CNGA1: variants seen among roughly 807,000 people sequenced by gnomAD.
The protein encoded by CNGA1 is cyclic nucleotide-gated channel alpha-1.
Under a neutral mutation model 69.7 loss-of-function variants are expected in CNGA1, and 53 were observed. The ratio of observed to expected loss-of-function variants is 0.76; its 90% CI spans 0.61 to 0.96. The LOEUF is 0.96. Ranked by LOEUF, CNGA1 falls within the 40% of genes least tolerant of loss-of-function variation. The probability of loss-of-function intolerance (pLI) is 0.00; values close to 1 mark genes in which losing one functional copy is unlikely to be tolerated. For synonymous variants in CNGA1, 249 were observed against 283.5 expected, an observed-to-expected ratio of 0.88 and a Z score of 1.22; for missense variants, 739 against 811.2, an observed-to-expected ratio of 0.91 and a Z score of 1.08.
intron 2 of CNGA1, among the ~76,000 whole-genome samples, chr4:47,989,369 T>C (rs1188754785): frequency 6.6e-6 from 1 of 152,168 alleles, no homozygotes; most frequent in Non-Finnish European, 1.5e-5. Context: ...TTATATGAAA[T>C]CTGTCCAGAA....
intron 2 of CNGA1, among the ~76,000 whole-genome samples, chr4:47,998,205 A>G (rs186170990): frequency 6.6e-6 from 1 of 152,292 alleles, no homozygotes; most frequent in Non-Finnish European, 1.5e-5. Context: ...AGTCAGAAAT[A>G]TGACCTTGGA....
chr4:47,954,521 C>G (rs567871044), intron 3 of CNGA1, among the ~76,000 whole-genome samples: 1 of 152,316 alleles, frequency 6.6e-6, no homozygotes, highest in East Asian at 1.9e-4. Context: ...CCCTGCCGCA[C>G]GTCCTGCAAG....
Position 48,016,475 on chromosome 4 carries a change from G to A in CNGA1, c.-223+8C>T. 1 of 312,070 alleles carries A rather than the reference G, an allele frequency of 3.2e-6. No homozygotes were observed. The highest frequency in any genetic ancestry group is 5.9e-6 in the Non-Finnish European group (1 of 169,712). 19.3% of individuals were successfully genotyped at this position (312,070 alleles called of 1,614,324 possible). A position where few individuals can be genotyped will look rare whatever the true frequency, so the allele number is the denominator to read the frequency against. ...GCAGCCTCCACTCCACTCAATTCCCGGAGTTACCTTGGCGGGCTCCACGCT... is the reference window on the plus strand; with the variant it reads ...GCAGCCTCCACTCCACTCAATTCCCAGAGTTACCTTGGCGGGCTCCACGCT... On this transcript the variant is annotated splice_region_variant and intron_variant, in intron 1 of 10. Transcript: ENST00000514170.
chr4:47,983,877 A>G (rs1424246519), intron 2 of CNGA1, among the ~76,000 whole-genome samples: 2 of 152,200 alleles, frequency 1.3e-5, no homozygotes, highest in Non-Finnish European at 2.9e-5. Flanking sequence ...CAGAGTCACA[A>G]TGGCTGCTAC....
intron 2 of CNGA1, among the ~76,000 whole-genome samples, chr4:47,984,359 T>G (rs1262610519): frequency 6.6e-6 from 1 of 152,164 alleles, no homozygotes; most frequent in East Asian, 1.9e-4. Context: ...GGCTCACACC[T>G]GTAATCACGG....
chr4:48,014,865 A>T (rs2109360250), intron 1 of CNGA1, among the ~76,000 whole-genome samples: 1 of 152,302 alleles, frequency 6.6e-6, no homozygotes, highest in Middle Eastern at 3.4e-3. Flanking sequence ...TCCAAAGAAA[A>T]CGTTTAAATA....
chr4:47,950,757 G>T (rs565751260), intron 5 of CNGA1, among the ~76,000 whole-genome samples: 2 of 152,276 alleles, frequency 1.3e-5, no homozygotes, highest in East Asian at 3.9e-4. Flanking sequence ...GCAATCTCAA[G>T]TCCGGTATCT....
intron 3 of CNGA1, among the ~76,000 whole-genome samples, chr4:47,958,455 T>C (rs1740224393): frequency 6.6e-6 from 1 of 151,928 alleles, no homozygotes; most frequent in Non-Finnish European, 1.5e-5. Flanking sequence ...TGAAACTCCA[T>C]CTCTACAAAA....
intron 3 of CNGA1, among the ~76,000 whole-genome samples, chr4:47,962,285 A>C (rs1740488338): frequency 6.6e-6 from 1 of 151,604 alleles, no homozygotes; most frequent in East Asian, 1.9e-4. Flanking sequence ...CGGAGGTTGC[A>C]GTGAGCCAAG....
intron 2 of CNGA1, among the ~76,000 whole-genome samples, chr4:47,983,556 C>G (rs1410011789): frequency 1.3e-5 from 2 of 152,068 alleles, no homozygotes; most frequent in Non-Finnish European, 2.9e-5. Context: ...CACCACTGCA[C>G]TCCAGCCTGG....
chr4:47,972,752 C>G (rs1007666021), intron 3 of CNGA1, among the ~76,000 whole-genome samples: 1 of 152,136 alleles, frequency 6.6e-6, no homozygotes, highest in African/African-American at 2.4e-5. Context: ...GAAATGCCTA[C>G]TAGGTGTCAA....
intron 9 of CNGA1, among the ~76,000 whole-genome samples, chr4:47,941,643 G>A (rs1386061453): frequency 6.6e-6 from 1 of 152,142 alleles, no homozygotes; most frequent in East Asian, 1.9e-4. Context: ...GGTGGGAAAA[G>A]GGAGAGAAGC....
In CNGA1 at chr4:48,000,607, A is replaced by G. The variant is rs566264053; in HGVS notation, c.-123+10187T>C. On this transcript the variant is annotated intron_variant, in intron 2 of 10. Coordinates refer to ENST00000514170, the MANE Select transcript of CNGA1 (RefSeq NM_001379270.1). ...GGTCTTGAACTCCCGACCTCAGGTG[A>G]TCTGCCCACCTCAGCCTCCCAAAGT... Among the ~76,000 whole-genome samples the G allele has an allele frequency of 3.3e-5, 5 of 152,228 alleles. No homozygotes were observed. The South Asian group carries it at 1.0e-3, about 32-fold the overall frequency.
intron 3 of CNGA1, among the ~76,000 whole-genome samples, chr4:47,957,284 C>T (rs758228740): frequency 6.6e-6 from 1 of 152,056 alleles, no homozygotes; most frequent in African/African-American, 2.4e-5. Context: ...AGAATATTGT[C>T]TCCTTAAATA....
At chr4:47,948,724 T>G (rs1452785129) in intron 6 of CNGA1, among the ~76,000 whole-genome samples, 1 of 152,090 alleles carries the variant, frequency 6.6e-6, no homozygotes. Flanking sequence ...TGCACCTAGG[T>G]GGTCTTTTGG....
intron 10 of CNGA1, among the ~76,000 whole-genome samples, chr4:47,939,334 C>T (rs189356282): frequency 3.9e-5 from 6 of 152,354 alleles, no homozygotes; most frequent in Admixed American, 2.0e-4. Flanking sequence ...GAGGGTGCCA[C>T]ACCCCAATTC....
intron 2 of CNGA1, among the ~76,000 whole-genome samples, chr4:47,998,004 C>T (rs1714466336): frequency 6.6e-6 from 1 of 152,164 alleles, no homozygotes; most frequent in Admixed American, 6.6e-5. Context: ...CATCTGTATA[C>T]TGTAGTCTAA....
chr4:47,962,858 A>G (rs983687790), intron 3 of CNGA1, among the ~76,000 whole-genome samples: 2 of 152,238 alleles, frequency 1.3e-5, no homozygotes, highest in African/African-American at 4.8e-5. Flanking sequence ...CTCAAAGAGA[A>G]AAAATAAACC....
intron 3 of CNGA1, among the ~76,000 whole-genome samples, chr4:47,969,975 A>T (rs144717339): frequency 6.6e-6 from 1 of 152,342 alleles, no homozygotes. Flanking sequence ...GACAAAAAGG[A>T]TATGTAATAG....
Sources: allele counts gnomAD v4.1 joint callset (sites outside exome capture counted in the v4.1 genomes callset), GRCh38; gene constraint gnomAD v4.1.1; transcripts MANE v1.5; gene names NCBI Gene and HGNC (gene_info 2026-07-23, HGNC 2026-07-21).